NRXN1: variants seen among roughly 807,000 people sequenced by gnomAD.
The protein encoded by NRXN1 is neurexin 1.
Under a neutral mutation model 150.9 loss-of-function variants are expected in NRXN1, and 39 were observed. That is an observed-to-expected ratio of 0.26 (90% CI 0.20 to 0.34). The LOEUF (loss-of-function observed/expected upper bound fraction) is 0.34, where lower values mean the gene tolerates loss of function less well. Ranked by LOEUF, NRXN1 falls within the 10% of genes least tolerant of loss-of-function variation. The pLI, the probability that NRXN1 is intolerant of heterozygous loss-of-function variation, is 1.00. For missense variants in NRXN1, 1,815 were observed against 1,949.9 expected, an observed-to-expected ratio of 0.93 and a Z score of 1.30; for synonymous variants, 924 against 757.0, an observed-to-expected ratio of 1.22 and a Z score of -3.62.
chr2:49,936,841 C>CAT (rs1255961485), intron 22 of NRXN1, among the ~76,000 whole-genome samples: 5 of 151,794 alleles, frequency 3.3e-5, no homozygotes, highest in South Asian at 2.1e-4. Context: ...CACACACACA[C>CAT]ATATGAAATA....
At chr2:50,795,605 T>C (rs1362369936) in intron 5 of NRXN1, among the ~76,000 whole-genome samples, 1 of 151,828 alleles carries the variant, frequency 6.6e-6, no homozygotes, top group African/African-American at 2.4e-5. Flanking sequence ...CATATAATTC[T>C]GTAACTCTGA....
intron 17 of NRXN1, among the ~76,000 whole-genome samples, chr2:50,318,289 A>C (rs2075766647): frequency 6.6e-6 from 1 of 152,130 alleles, no homozygotes; most frequent in South Asian, 2.1e-4. Context: ...CCGCACTGGC[A>C]AAAAATTTAA....
intron 17 of NRXN1, among the ~76,000 whole-genome samples, chr2:50,301,916 T>C (rs572219447): frequency 2.2e-4 from 34 of 152,316 alleles, no homozygotes; most frequent in African/African-American, 7.0e-4. Context: ...CCAGCCTCCT[T>C]TGAGTACAAA....
At chr2:50,916,008 C>T (rs775278976) in intron 5 of NRXN1, among the ~76,000 whole-genome samples, 2 of 145,864 alleles carry the variant, frequency 1.4e-5, no homozygotes, top group Non-Finnish European at 3.0e-5. Flanking sequence ...GAGTTTTACT[C>T]CCTCAAATGA....
At chr2:50,115,252 CAT>C (rs997075850) in intron 18 of NRXN1, among the ~76,000 whole-genome samples, 1 of 141,854 alleles carries the variant, frequency 7.0e-6, no homozygotes, top group Non-Finnish European at 1.5e-5. Flanking sequence ...CACACACACA[CAT>C]ATATATAATA....
intron 5 of NRXN1, among the ~76,000 whole-genome samples, chr2:50,651,299 C>G (rs577403483): frequency 6.6e-6 from 1 of 151,984 alleles, no homozygotes; most frequent in Non-Finnish European, 1.5e-5. Context: ...ATGAGATTTT[C>G]TAAAGAAAAA....
At chr2:49,981,980 C>T (rs1680064791) in intron 21 of NRXN1, among the ~76,000 whole-genome samples, 1 of 152,078 alleles carries the variant, frequency 6.6e-6, no homozygotes, top group Non-Finnish European at 1.5e-5. Flanking sequence ...GAGTGAAAAT[C>T]TATATGTATA....
intron 8 of NRXN1, chr2:50,615,380 A>T (rs1678900158): frequency 6.6e-6 from 1 of 152,218 alleles, no homozygotes; most frequent in South Asian, 2.1e-4. Context: ...TTTAACACAC[A>T]GTCCTTTCCT....
intron 5 of NRXN1, among the ~76,000 whole-genome samples, chr2:50,884,239 T>C (rs1035182030): frequency 6.6e-6 from 1 of 151,840 alleles, no homozygotes; most frequent in Admixed American, 6.6e-5. Context: ...TAGATATAAA[T>C]GGACATATTG....
chr2:50,784,990 CT>C (rs949408677), intron 5 of NRXN1, among the ~76,000 whole-genome samples: 1 of 152,024 alleles, frequency 6.6e-6, no homozygotes, highest in African/African-American at 2.4e-5. Flanking sequence ...TTTTTGGAGA[CT>C]GGGACTTTAA....
At chr2:50,345,678 C>G (rs1166468946) in intron 17 of NRXN1, among the ~76,000 whole-genome samples, 1 of 152,210 alleles carries the variant, frequency 6.6e-6, no homozygotes, top group Non-Finnish European at 1.5e-5. Flanking sequence ...TCTGGCCTCA[C>G]AGTGCTGGTC....
At chr2:50,318,570 A>AT (rs916880228) in intron 17 of NRXN1, among the ~76,000 whole-genome samples, 12 of 151,972 alleles carry the variant, frequency 7.9e-5, no homozygotes, top group Admixed American at 5.9e-4. Context: ...CAATATTGTG[A>AT]TTTTTTTTCA....
At chr2:50,635,188 C>T (rs1335627249) in intron 5 of NRXN1, among the ~76,000 whole-genome samples, 1 of 151,162 alleles carries the variant, frequency 6.6e-6, no homozygotes, top group African/African-American at 2.4e-5. Context: ...GATAGAGTCT[C>T]GCTCTGTCAC....
intron 5 of NRXN1, among the ~76,000 whole-genome samples, chr2:50,785,025 GTTATAA>G (rs1306279270): frequency 6.6e-6 from 1 of 151,954 alleles, no homozygotes; most frequent in Non-Finnish European, 1.5e-5. Flanking sequence ...GTTAAATGAG[GTTATAA>G]TTATGACACC....
chr2:50,134,776 T>C (rs766011982), intron 18 of NRXN1, among the ~76,000 whole-genome samples: 3 of 152,170 alleles, frequency 2.0e-5, no homozygotes, highest in Non-Finnish European at 4.4e-5. Context: ...ACTCACAAAC[T>C]GAGTCGCAGG....
chr2:50,648,022 T>A (rs1465520002), intron 5 of NRXN1, among the ~76,000 whole-genome samples: 2 of 151,922 alleles, frequency 1.3e-5, no homozygotes, highest in Non-Finnish European at 2.9e-5. Flanking sequence ...ACTTTCCCAA[T>A]TCTCTACAAT....
At chr2:50,237,240 G>A (rs1282981658) in intron 17 of NRXN1, among the ~76,000 whole-genome samples, 1 of 151,974 alleles carries the variant, frequency 6.6e-6, no homozygotes, top group Non-Finnish European at 1.5e-5. Context: ...CATTGAGTTG[G>A]ACAAGAACGG....
intron 17 of NRXN1, among the ~76,000 whole-genome samples, chr2:50,413,680 G>A (rs912357371): frequency 6.6e-6 from 1 of 152,098 alleles, no homozygotes; most frequent in Non-Finnish European, 1.5e-5. Context: ...CCAATACTGA[G>A]TATATACCCC....
intron 17 of NRXN1, among the ~76,000 whole-genome samples, chr2:50,290,493 T>C (rs560208912): frequency 6.6e-6 from 1 of 152,300 alleles, no homozygotes; most frequent in African/African-American, 2.4e-5. Context: ...ATTGTAATCA[T>C]TAAATTTGTG....
Sources: allele counts gnomAD v4.1 joint callset (sites outside exome capture counted in the v4.1 genomes callset), GRCh38; gene constraint gnomAD v4.1.1; transcripts MANE v1.5; gene names NCBI Gene and HGNC (gene_info 2026-07-23, HGNC 2026-07-21).